The following DTNA variants were observed in gnomAD, a reference collection of about 807,000 sequenced individuals.
The protein encoded by DTNA is dystrophin-related protein 3.
In DTNA, 43 loss-of-function variants were observed where a neutral mutation model predicts 100.7. The observed-to-expected ratio is 0.43, with a 90% CI of 0.33 to 0.55. The LOEUF is 0.55. Ranked by LOEUF, DTNA falls within the 20% of genes least tolerant of loss-of-function variation. DTNA has a pLI of 0.04. For synonymous variants in DTNA, 349 were observed against 347.9 expected (o/e 1.00, Z -0.04); for missense variants, 798 against 953.9 (o/e 0.84, Z 2.15).
intron 1 of DTNA, among the ~76,000 whole-genome samples, chr18:34,699,763 A>T (rs994028608): frequency 6.6e-6 from 1 of 152,246 alleles, no homozygotes; most frequent in Non-Finnish European, 1.5e-5. Context: ...AGTAACTAAT[A>T]AATCTGTTGC....
intron 1 of DTNA, among the ~76,000 whole-genome samples, chr18:34,676,433 G>A (rs1010037772): frequency 1.8e-4 from 28 of 152,210 alleles, no homozygotes; most frequent in African/African-American, 6.7e-4. Flanking sequence ...GCTTAGTAAA[G>A]AATACAGTAT....
chr18:34,695,296 G>T (rs1463281044), intron 1 of DTNA, among the ~76,000 whole-genome samples: 1 of 152,086 alleles, frequency 6.6e-6, no homozygotes, highest in African/African-American at 2.4e-5. Flanking sequence ...AAGCATGAAG[G>T]TTTTTCACTA....
intron 1 of DTNA, among the ~76,000 whole-genome samples, chr18:34,684,930 G>T (rs924248996): frequency 6.6e-6 from 1 of 152,058 alleles, no homozygotes; most frequent in Non-Finnish European, 1.5e-5. Context: ...ATGTTTTTTG[G>T]CCGCATAAAT....
chr18:34,722,579 T>C (rs1288469301), intron 1 of DTNA, among the ~76,000 whole-genome samples: 1 of 147,420 alleles, frequency 6.8e-6, no homozygotes, highest in African/African-American at 2.5e-5. Context: ...TTGTACAAAT[T>C]AATAGGTTTT....
chr18:34,524,763 A>C (rs9945006), intron 1 of DTNA, among the ~76,000 whole-genome samples: 7 of 151,052 alleles, frequency 4.6e-5, no homozygotes, highest in African/African-American at 1.7e-4. Flanking sequence ...ATTTTTTTTT[A>C]AAAAAAAGGT....
intron 3 of DTNA, among the ~76,000 whole-genome samples, chr18:34,768,076 A>G (rs2093581253): frequency 6.6e-6 from 1 of 152,152 alleles, no homozygotes; most frequent in African/African-American, 2.4e-5. Context: ...CCCAGATTAC[A>G]AATAAAAGGA....
chr18:34,540,401 A>G (rs1220272174), intron 1 of DTNA, among the ~76,000 whole-genome samples: 4 of 152,032 alleles, frequency 2.6e-5, no homozygotes, highest in African/African-American at 4.8e-5. Flanking sequence ...AAAGAAACAT[A>G]TCATTTATAT....
At chr18:34,708,481 A>C (rs900591844), upstream of DTNA, among the ~76,000 whole-genome samples, 2 of 152,194 alleles carry the variant, frequency 1.3e-5, no homozygotes, top group Non-Finnish European at 2.9e-5. Context: ...CCATATTTAA[A>C]GATGAAAAAA....
At chr18:34,568,595 C>T (rs1024387139) in intron 1 of DTNA, among the ~76,000 whole-genome samples, 2 of 152,044 alleles carry the variant, frequency 1.3e-5, no homozygotes, top group Non-Finnish European at 2.9e-5. Context: ...GAAAATTTAT[C>T]CCTAAAGCAT....
At chr18:34,544,962 G>A (rs948995142) in intron 1 of DTNA, among the ~76,000 whole-genome samples, 3 of 151,996 alleles carry the variant, frequency 2.0e-5, no homozygotes, top group African/African-American at 7.2e-5. Flanking sequence ...AGATGATGTT[G>A]TTTAATACTG....
chr18:34,734,806 A>G (rs1027842665), intron 1 of DTNA, among the ~76,000 whole-genome samples: 1 of 152,164 alleles, frequency 6.6e-6, no homozygotes, highest in African/African-American at 2.4e-5. Context: ...AGAAGTGTCA[A>G]ATGCATTTAT....
At chr18:34,566,724 A>C (rs2047119519) in intron 1 of DTNA, among the ~76,000 whole-genome samples, 1 of 152,208 alleles carries the variant, frequency 6.6e-6, no homozygotes, top group Non-Finnish European at 1.5e-5. Context: ...TCTTCCATGT[A>C]AAAGCATGTT....
chr18:34,860,732 G>A (rs1247859312), intron 16 of DTNA, among the ~76,000 whole-genome samples: 3 of 151,898 alleles, frequency 2.0e-5, no homozygotes, highest in African/African-American at 4.8e-5. Context: ...TTTCACTTTC[G>A]CCACAAGAAA....
intron 1 of DTNA, among the ~76,000 whole-genome samples, chr18:34,717,275 G>T (rs2084256494): frequency 6.6e-6 from 1 of 152,234 alleles, no homozygotes; most frequent in Admixed American, 6.5e-5. Context: ...ATAGCCACGT[G>T]TGTCTAGTGC....
chr18:34,557,722 C>CTGT (rs2046228122), intron 1 of DTNA, among the ~76,000 whole-genome samples: 1 of 151,404 alleles, frequency 6.6e-6, no homozygotes, highest in Non-Finnish European at 1.5e-5. Flanking sequence ...GGCAGTCTGC[C>CTGT]TGTTCTCAGA....
chr18:34,609,203 T>C (rs2147445793), intron 1 of DTNA, among the ~76,000 whole-genome samples: 1 of 152,218 alleles, frequency 6.6e-6, no homozygotes, highest in Non-Finnish European at 1.5e-5. Flanking sequence ...AGATAAACTA[T>C]ATAATCTATC....
intron 11 of DTNA, among the ~76,000 whole-genome samples, chr18:34,831,856 C>G (rs763184331): frequency 9.9e-5 from 15 of 152,222 alleles, no homozygotes; most frequent in Non-Finnish European, 1.3e-4. Flanking sequence ...ATCCTGATCC[C>G]TCCAAGAGGA....
At chr18:34,556,755 G>A (rs1356427779) in intron 1 of DTNA, among the ~76,000 whole-genome samples, 1 of 151,838 alleles carries the variant, frequency 6.6e-6, no homozygotes, top group African/African-American at 2.4e-5. Context: ...TAGTCTGATG[G>A]GCTTCCCTTT....
chr18:34,738,924 T>C (rs2090136833), intron 1 of DTNA, among the ~76,000 whole-genome samples: 1 of 152,210 alleles, frequency 6.6e-6, no homozygotes, highest in Non-Finnish European at 1.5e-5. Context: ...TTACAACTTT[T>C]ATTTTAGATT....
Sources: allele counts gnomAD v4.1 joint callset (sites outside exome capture counted in the v4.1 genomes callset), GRCh38; gene constraint gnomAD v4.1.1; transcripts MANE v1.5; gene names NCBI Gene and HGNC (gene_info 2026-07-23, HGNC 2026-07-21).